Variants in ITPR3 observed in about 807,000 individuals in gnomAD.
ITPR3 encodes the protein inositol 1,4,5-trisphosphate receptor type 3.
A neutral mutation model predicts 293.2 loss-of-function variants in ITPR3; 173 were observed. The observed-to-expected ratio is 0.59, with a 90% CI of 0.52 to 0.67. The LOEUF is 0.67. ITPR3 is among the 30% of genes least tolerant of loss of function. ITPR3 has a pLI of 0.00. For missense variants in ITPR3, 2,796 were observed against 3,592.1 expected, an observed-to-expected ratio of 0.78 and a Z score of 5.66; for synonymous variants, 1,295 against 1,444.4, an observed-to-expected ratio of 0.90 and a Z score of 2.35.
At position 33,671,174 on chromosome 6, in the gene ITPR3, C is replaced by T. The variant is rs147503693; in HGVS notation, c.2596C>T (p.Leu866=). The T allele has an allele frequency of 1.2e-5, 19 of 1,613,528 alleles. No individual in the cohort carries two copies. Among genetic ancestry groups the T allele is most frequent in the Non-Finnish European group, 1.6e-5 (19 of 1,179,908 alleles). Reference sequence around the variant, plus strand: ...CACGCCCCCTTCGCAGGTGGTCAGCCTGGCGCACAATCTCATCTACTTCGG... The same window carrying T: ...CACGCCCCCTTCGCAGGTGGTCAGCTTGGCGCACAATCTCATCTACTTCGG... The part of the protein sequence containing the change: ...KNKLTFEVVS[L]AHNLIYFGFY... Residue 866 remains leucine, a synonymous_variant, in exon 21 of 58, where the codon CTG becomes TTG. Coordinates refer to ENST00000605930, the MANE Select transcript of ITPR3 (RefSeq NM_002224.4).
intron 18 of ITPR3, among the ~76,000 whole-genome samples, chr6:33,669,529 G>A (rs1033085158): frequency 1.3e-5 from 2 of 152,200 alleles, no homozygotes; most frequent in African/African-American, 2.4e-5. Context: ...CCTGGGAGGC[G>A]GAAGTTGCAG....
intron 2 of ITPR3, among the ~76,000 whole-genome samples, chr6:33,643,819 G>A (rs556018273): frequency 1.3e-5 from 2 of 152,216 alleles, no homozygotes; most frequent in African/African-American, 2.4e-5. Context: ...CCTAGCCTAC[G>A]CCTCCTCTAC....
Position 33,632,717 on chromosome 6 carries a change from T to C in ITPR3, c.90-7767T>C, listed in dbSNP as rs1413910552. 6.6e-6 allele frequency among the ~76,000 whole-genome samples: 1 copy of C among 152,236 alleles called. No homozygotes were observed. Among genetic ancestry groups the C allele is most frequent in the Non-Finnish European group, 1.5e-5 (1 of 68,040 alleles). ...CTGCTCCCTCTGCTGTTCAGACTGG[T>C]CTTGTGCCTCCCAGTGGATGGAAGG... is the stretch of plus-strand genomic sequence containing the variant. On this transcript the variant is annotated intron_variant, in intron 1 of 57. Transcript: ENST00000605930. The surrounding 1 kb of genome is among the most constrained non-coding windows in gnomAD (Gnocchi z 4.1).
intron 1 of ITPR3, among the ~76,000 whole-genome samples, chr6:33,627,840 T>C (rs1763583905): frequency 1.3e-5 from 2 of 152,140 alleles, no homozygotes. Flanking sequence ...TCCCAGGCAG[T>C]GCGAGGATGT....
chr6:33,685,558 G>A (rs760284963), intron 40 of ITPR3, 25 bp downstream of exon 40: 36 of 1,604,602 alleles, frequency 2.2e-5, no homozygotes, highest in Middle Eastern at 1.7e-4. Context: ...GCAGAGGCAC[G>A]GCGTGACGGG....
Position 33,693,725 on chromosome 6 carries a change from C to G in ITPR3, c.7785+20C>G. The G allele has an allele frequency of 6.2e-7, 1 of 1,611,760 alleles. No individual in the cohort carries two copies. Among genetic ancestry groups the G allele is most frequent in the Non-Finnish European group, 8.5e-7 (1 of 1,178,650 alleles). On this transcript the variant is annotated intron_variant, in intron 56 of 57. Coordinates refer to ENST00000605930, the MANE Select transcript of ITPR3 (RefSeq NM_002224.4). The stretch of plus-strand genomic sequence containing the variant: ...ATCAAGGTGTGAGCAGGGGCTGTGC[C>G]AGGCCTGTGGGCCCAAACCAGCCAT...
rs935268960 is a variant in ITPR3, at chr6:33,685,645, C to T, written c.5485C>T (p.Arg1829Cys). The T allele has an allele frequency of 8.8e-6, 14 of 1,582,950 alleles. No homozygotes were observed. Among genetic ancestry groups the T allele is most frequent in the East Asian group, 6.7e-5 (3 of 44,458 alleles). ...REPVDPTTKG[R>C]VASFSIPGSS... Reference sequence around the variant, plus strand: ...GCCTCACCAGGTCTCGCCCACAGGCCGCGTGGCCTCCTTCTCGATACCTGG... The same window carrying T: ...GCCTCACCAGGTCTCGCCCACAGGCTGCGTGGCCTCCTTCTCGATACCTGG... Residue 1829 changes from arginine to cysteine, a missense_variant and splice_region_variant, in exon 41 of 58, where the codon CGC becomes TGC. Around this residue, in one of 8 missense-constraint regions of ITPR3, gnomAD observed 704 missense variants for 797.5 expected, o/e 0.88. Transcript: ENST00000605930.
chr6:33,690,854 C>T (rs1765368252), intron 51 of ITPR3, 63 bp from the exon 52 acceptor site: 2 of 1,485,288 alleles, frequency 1.3e-6, no homozygotes, highest in Non-Finnish European at 1.9e-6. Flanking sequence ...CAGTGGCAGC[C>T]CCAGTGAGAG....
chr6:33,695,254 G>A (rs898000807), intron 57 of ITPR3, 169 bp downstream of exon 57: 2 of 722,506 alleles, frequency 2.8e-6, no homozygotes, highest in Admixed American at 2.9e-5. Flanking sequence ...GTCAGACTGG[G>A]GTTGACAACC....
At chr6:33,674,017 C>A (rs373838954) in intron 23 of ITPR3, among the ~76,000 whole-genome samples, 191 bp from the exon 24 acceptor site, 2 of 152,202 alleles carry the variant, frequency 1.3e-5, no homozygotes, top group Non-Finnish European at 2.9e-5. Flanking sequence ...ATCTCTGCCC[C>A]CTTTGTACTG....
At chr6:33,648,542 T>TG (rs1416928720) in intron 2 of ITPR3, among the ~76,000 whole-genome samples, 1 of 151,898 alleles carries the variant, frequency 6.6e-6, no homozygotes, top group Non-Finnish European at 1.5e-5. Context: ...TTACCCTTTT[T>TG]TTTTCTTCCT....
In ITPR3 at chr6:33,623,333, T is replaced by TTTG. The variant is rs1763484001; in HGVS notation, c.89+1644_89+1645insGTT. On this transcript the variant is annotated intron_variant, in intron 1 of 57. Coordinates refer to ENST00000605930, the MANE Select transcript of ITPR3 (RefSeq NM_002224.4). Reference sequence around the variant, plus strand: ...CAAGTGCCTGTGAGTTTTGTTTTTTTTTTTTTTTTTTAAGACAAGGTCTCA... The same window carrying TTTG: ...CAAGTGCCTGTGAGTTTTGTTTTTTTTTGTTTTTTTTTTTAAGACAAGGTCTCA... Among the ~76,000 whole-genome samples, 3 of 149,020 alleles carry TTTG rather than the reference T, an allele frequency of 2.0e-5. No homozygotes were observed. The South Asian group carries it at 6.5e-4, about 32-fold the overall frequency.
intron 1 of ITPR3, among the ~76,000 whole-genome samples, chr6:33,628,552 T>C (rs761182711): frequency 5.9e-5 from 9 of 151,964 alleles, no homozygotes; most frequent in Non-Finnish European, 7.4e-5. Context: ...AGAGAAATCG[T>C]GGGTGCAGAA....
At chr6:33,674,991 T>C (rs1034293121) in intron 24 of ITPR3, among the ~76,000 whole-genome samples, 2 of 152,204 alleles carry the variant, frequency 1.3e-5, no homozygotes, top group Non-Finnish European at 2.9e-5. Context: ...CCACAAATAT[T>C]TCCTCACTGA....
chr6:33,670,471 A>T lies in ITPR3; in HGVS notation c.2336A>T (p.His779Leu). Residue 779 changes from histidine to leucine, a missense_variant, in exon 19 of 58, where the codon CAC becomes CTC. Coordinates refer to ENST00000605930, the MANE Select transcript of ITPR3 (RefSeq NM_002224.4). This position sits in a 1 kb window ranked among gnomAD's most constrained non-coding sequence, Gnocchi z 6.7. ...LPFDLRASFC[H>L]LMLHVHVDRD... ...TTTGACCTGCGCGCCTCCTTCTGCCACCTGATGCTGCACGTGCACGTGGAC... is the reference window on the plus strand; with the variant it reads ...TTTGACCTGCGCGCCTCCTTCTGCCTCCTGATGCTGCACGTGCACGTGGAC... 3 of 1,613,834 alleles carry T rather than the reference A, an allele frequency of 1.9e-6. No individual in the cohort carries two copies. In the African/African-American group the frequency reaches 4.0e-5, roughly 22 times the overall value.
At chr6:33,639,694 A>G (rs1042720262) in intron 1 of ITPR3, among the ~76,000 whole-genome samples, 9 of 151,902 alleles carry the variant, frequency 5.9e-5, no homozygotes, top group African/African-American at 2.2e-4. Context: ...GGATGGGTAG[A>G]TGGGTGGATG....
At chr6:33,631,271 A>T (rs1176356318) in intron 1 of ITPR3, among the ~76,000 whole-genome samples, 1 of 152,198 alleles carries the variant, frequency 6.6e-6, no homozygotes, top group Admixed American at 6.5e-5. Context: ...GGCCGGGGTG[A>T]CCACTACCAT....
chr6:33,633,546 C>A lies in ITPR3; in HGVS notation c.90-6938C>A, dbSNP rs1419506162. Among the ~76,000 whole-genome samples, 1 of 151,946 alleles carries A rather than the reference C, an allele frequency of 6.6e-6. No homozygotes were observed. Among genetic ancestry groups the A allele is most frequent in the East Asian group, 1.9e-4 (1 of 5,160 alleles). On this transcript the variant is annotated intron_variant, in intron 1 of 57. Transcript: ENST00000605930. This position sits in a 1 kb window ranked among gnomAD's most constrained non-coding sequence, Gnocchi z 5.2. Reference sequence around the variant, plus strand: ...CCCGGGGCCGCCCTCCGCGGGCAGACGAGCGGGGGAGAGCAGGAAAGCGCG... The same window carrying A: ...CCCGGGGCCGCCCTCCGCGGGCAGAAGAGCGGGGGAGAGCAGGAAAGCGCG...
In ITPR3 at chr6:33,693,627, G is replaced by T; in HGVS notation, c.7707G>T (p.Leu2569Phe). 6.2e-7 allele frequency: 1 copy of T among 1,614,234 alleles called. No individual in the cohort carries two copies. Among genetic ancestry groups the T allele is most frequent in the Non-Finnish European group, 8.5e-7 (1 of 1,180,028 alleles). ...IKLEHNMWNY[L>F]YFIVLVRVKN... ...TGGAGCACAACATGTGGAACTACTTGTACTTCATTGTGCTGGTCCGCGTGA... is the reference window on the plus strand; with the variant it reads ...TGGAGCACAACATGTGGAACTACTTTTACTTCATTGTGCTGGTCCGCGTGA... Residue 2569 changes from leucine (L) to phenylalanine (F), a missense_variant, in exon 56 of 58, where the codon TTG (leucine) becomes TTT (phenylalanine). Transcript: ENST00000605930.
Sources: allele counts gnomAD v4.1 joint callset (sites outside exome capture counted in the v4.1 genomes callset), GRCh38; gene constraint gnomAD v4.1.1; regional missense constraint gnomAD v4.1.1; non-coding constraint Gnocchi (gnomAD v3.1); transcripts MANE v1.5; gene names NCBI Gene and HGNC (gene_info 2026-07-23, HGNC 2026-07-21).